SYNJ2: variants seen among roughly 807,000 people sequenced by gnomAD.
The protein encoded by SYNJ2 is polyphosphatidylinositol phosphatase SYNJ2.
SYNJ2 carries 116 observed loss-of-function variants against 141.3 expected under a neutral mutation model. The observed-to-expected ratio is 0.82, with a 90% confidence interval of 0.71 to 0.96. SYNJ2 has a LOEUF of 0.96. Ranked by LOEUF, SYNJ2 falls within the 40% of genes least tolerant of loss-of-function variation. SYNJ2 has a pLI of 0.00. For synonymous variants in SYNJ2, 745 were observed against 777.7 expected (o/e 0.96, Z 0.70); for missense variants, 1,873 against 1,934.8 (o/e 0.97, Z 0.60).
At chr6:158,022,365 C>T (rs1000952578) in intron 2 of SYNJ2, among the ~76,000 whole-genome samples, 36 of 152,134 alleles carry the variant, frequency 2.4e-4, no homozygotes, top group African/African-American at 7.5e-4. Context: ...GGGGTGGTCC[C>T]GGTAAACGGG....
intron 5 of SYNJ2, among the ~76,000 whole-genome samples, chr6:158,048,950 T>G (rs1780405605): frequency 6.6e-6 from 1 of 152,058 alleles, no homozygotes; most frequent in African/African-American, 2.4e-5. Flanking sequence ...TAGGCAGTGT[T>G]AGTTTGGAGG....
In SYNJ2 at chr6:158,074,725, A is replaced by G; in HGVS notation, c.2279A>G (p.Lys760Arg). The change falls in exon 16 of 27, where the codon AAA becomes AGA. Residue 760 changes from lysine to arginine, a missense_variant. By Grantham distance (26) the Lys-to-Arg change is conservative. Transcript: ENST00000355585. ...GAATTTGATCAACTACAGCTACAGAAATCAAGTGGAAAAGTAAGTTGTGCT... is the reference window on the plus strand; with the variant it reads ...GAATTTGATCAACTACAGCTACAGAGATCAAGTGGAAAAGTAAGTTGTGCT... ...LLEFDQLQLQ[K>R]SSGKIFKDFH... The G allele has an allele frequency of 6.2e-7, 1 of 1,611,784 alleles. No homozygotes were observed. The highest frequency in any genetic ancestry group is 2.2e-5 in the East Asian group (1 of 44,872).
In SYNJ2 at chr6:158,027,071, C is replaced by T; in HGVS notation, c.215-1685C>T. ...CCCACCCCATGGCATAGCAGCAGGC[C>T]CCTGGGAGCCCTGAGCGCTCATTAA... On this transcript the variant is annotated intron_variant, in intron 2 of 26. Coordinates refer to ENST00000355585, the MANE Select transcript of SYNJ2 (RefSeq NM_003898.4). The surrounding 1 kb of genome is among the most constrained non-coding windows in gnomAD (Gnocchi z 4.6). 2.0e-6 allele frequency: 2 copies of T among 985,366 alleles called. No homozygotes were observed. The highest frequency in any genetic ancestry group is 4.7e-5 in the South Asian group (1 of 21,290). The allele number at this position is 985,366 out of a possible 1,614,324, so 61.0% of individuals were successfully genotyped here.
At chr6:158,010,332 T>C (rs1010537229) in intron 1 of SYNJ2, among the ~76,000 whole-genome samples, 1 of 152,184 alleles carries the variant, frequency 6.6e-6, no homozygotes, top group Non-Finnish European at 1.5e-5. Context: ...ATACAGTTGT[T>C]TGGGGGCAAG....
At chr6:158,062,420 CT>C in intron 8 of SYNJ2, among the ~76,000 whole-genome samples, 1 of 152,190 alleles carries the variant, frequency 6.6e-6, no homozygotes, top group Admixed American at 6.5e-5. Flanking sequence ...AGGAGACAGG[CT>C]TTTGAATTTC....
intron 3 of SYNJ2, among the ~76,000 whole-genome samples, chr6:158,032,377 C>T (rs899803482): frequency 2.6e-5 from 4 of 152,188 alleles, no homozygotes; most frequent in African/African-American, 9.7e-5. Flanking sequence ...ACAAGTAGGG[C>T]ACTGTGATCT....
chr6:158,057,748 G>A (rs1330511941), intron 6 of SYNJ2, among the ~76,000 whole-genome samples: 2 of 152,268 alleles, frequency 1.3e-5, no homozygotes, highest in Admixed American at 6.5e-5. Context: ...GTGGGATGTG[G>A]CTTGGATGTG....
chr6:157,992,273 G>A (rs769374212), intron 1 of SYNJ2, among the ~76,000 whole-genome samples: 75 of 151,706 alleles, frequency 4.9e-4, no homozygotes, highest in Non-Finnish European at 9.1e-4. Context: ...CTAGACCCCC[G>A]CCGCTACCCT....
In SYNJ2 at chr6:158,027,449, C is replaced by A; in HGVS notation, c.215-1307C>A. The A allele has an allele frequency of 6.5e-6, 1 of 154,702 alleles. No homozygotes were observed. The highest frequency in any genetic ancestry group is 2.1e-4 in the South Asian group (1 of 4,850). 9.6% of individuals were successfully genotyped at this position (154,702 alleles called of 1,614,324 possible). On this transcript the variant is annotated intron_variant, in intron 2 of 26. Coordinates refer to ENST00000355585, the MANE Select transcript of SYNJ2 (RefSeq NM_003898.4). The surrounding 1 kb of genome is among the most constrained non-coding windows in gnomAD (Gnocchi z 4.6). ...GCCACCAGGCACCCCCGATACGCAGCGTGTTGTGAAGTGCCCTTGTGAGCA... is the reference window on the plus strand; with the variant it reads ...GCCACCAGGCACCCCCGATACGCAGAGTGTTGTGAAGTGCCCTTGTGAGCA...
chr6:157,984,694 A>G (rs1023522969), intron 1 of SYNJ2, among the ~76,000 whole-genome samples: 1 of 152,198 alleles, frequency 6.6e-6, no homozygotes, highest in Non-Finnish European at 1.5e-5. Flanking sequence ...GTGAGCCACC[A>G]TGCCTGACCC....
intron 26 of SYNJ2, chr6:158,093,780 G>A (rs1783625369): frequency 1.7e-5 from 12 of 692,998 alleles, no homozygotes; most frequent in Admixed American, 1.4e-4. Context: ...ATGGTTTCAA[G>A]GCATTAGGAA....
At chr6:158,066,656 G>T in intron 12 of SYNJ2, 21 bp downstream of exon 12, 1 of 1,610,590 alleles carries the variant, frequency 6.2e-7, no homozygotes, top group South Asian at 1.1e-5. Flanking sequence ...TGACTTTGGG[G>T]GAGACAAAAT....
At position 158,071,588 on chromosome 6, in the gene SYNJ2, T is replaced by A; in HGVS notation, c.1941-14T>A. The A allele has an allele frequency of 6.2e-7, 1 of 1,612,126 alleles. No homozygotes were observed. The highest frequency in any genetic ancestry group is 8.5e-7 in the Non-Finnish European group (1 of 1,179,118). ...TTCAGGAGCCGACGGCATGCGCGTA[T>A]CCTTCTGTTCCAGGGACGTAGCCAT... is the stretch of plus-strand genomic sequence containing the variant. On this transcript the variant is annotated splice_polypyrimidine_tract_variant and intron_variant, in intron 14 of 26. Transcript: ENST00000355585. The surrounding 1 kb of genome is among the most constrained non-coding windows in gnomAD (Gnocchi z 4.3).
chr6:158,046,217 A>T (rs1447629383), intron 5 of SYNJ2, among the ~76,000 whole-genome samples: 3 of 152,164 alleles, frequency 2.0e-5, no homozygotes, highest in Non-Finnish European at 2.9e-5. Context: ...AAGTGCTAGG[A>T]TTACAGGCGT....
chr6:158,067,340 AC>A (rs1375056989), intron 12 of SYNJ2: 3 of 800,204 alleles, frequency 3.7e-6, no homozygotes, highest in East Asian at 2.5e-4. Context: ...GTTGATATTG[AC>A]CAAGAACAGC....
chr6:158,053,014 CT>C (rs1323234013), intron 5 of SYNJ2, among the ~76,000 whole-genome samples: 1 of 152,182 alleles, frequency 6.6e-6, no homozygotes, highest in Non-Finnish European at 1.5e-5. Flanking sequence ...TGTTCCTCGG[CT>C]TTCTGTCTTT....
At chr6:158,072,129 G>A (rs1781971854) in intron 15 of SYNJ2, among the ~76,000 whole-genome samples, 1 of 152,214 alleles carries the variant, frequency 6.6e-6, no homozygotes, top group Non-Finnish European at 1.5e-5. Context: ...GGTCTGTCCT[G>A]TCCAAGTGGT....
Position 158,038,344 on chromosome 6 carries a change from C to T in SYNJ2, c.711+4664C>T, listed in dbSNP as rs561188112. ...CAGTGATTGACAGACAGCTGGGCAC[C>T]ACCACCTGCCGCTCACCCACAGATG... On this transcript the variant is annotated intron_variant, in intron 4 of 26. Transcript: ENST00000355585. Among the ~76,000 whole-genome samples, 44 of 152,312 alleles carry T rather than the reference C, an allele frequency of 2.9e-4. No homozygotes were observed. The South Asian group carries it at 8.9e-3, about 31-fold the overall frequency.
At position 158,071,450 on chromosome 6, in the gene SYNJ2, A is replaced by G; in HGVS notation, c.1941-152A>G. ...GAGGCGGCCTCCTGACCAGGAGTCG[A>G]TGACGGCCACGGTGGCCACTGTGTT... is the stretch of plus-strand genomic sequence containing the variant. On this transcript the variant is annotated intron_variant, in intron 14 of 26. Coordinates refer to ENST00000355585, the MANE Select transcript of SYNJ2 (RefSeq NM_003898.4). This position sits in a 1 kb window ranked among gnomAD's most constrained non-coding sequence, Gnocchi z 4.3. 1.2e-6 allele frequency: 1 copy of G among 844,654 alleles called. No individual in the cohort carries two copies. The highest frequency in any genetic ancestry group is 1.8e-6 in the Non-Finnish European group (1 of 561,752). The allele number at this position is 844,654 out of a possible 1,614,324, so 52.3% of individuals were successfully genotyped here.
Sources: gnomAD v4.1 joint callset for allele counts (sites outside exome capture counted in the v4.1 genomes callset) on GRCh38, gnomAD v4.1.1 for gene constraint, Gnocchi (gnomAD v3.1) non-coding constraint, MANE v1.5 for transcripts, NCBI Gene and HGNC (gene_info 2026-07-23, HGNC 2026-07-21) for gene names.